The following MMP16 variants were observed in gnomAD, a reference collection of about 807,000 sequenced individuals.
MMP16 encodes the protein matrix metallopeptidase 16.
MMP16 carries 12 observed loss-of-function variants against 67.8 expected under a neutral mutation model. The observed-to-expected ratio is 0.18, with a 90% CI of 0.11 to 0.29. The LOEUF is 0.29. Ranked by LOEUF, MMP16 falls within the 10% of genes least tolerant of loss-of-function variation. The pLI, the probability that MMP16 is intolerant of heterozygous loss-of-function variation, is 1.00. For missense variants in MMP16, 475 were observed against 765.7 expected (o/e 0.62, Z 4.48); for synonymous variants, 249 against 255.9 (o/e 0.97, Z 0.26).
intron 1 of MMP16, among the ~76,000 whole-genome samples, chr8:88,276,716 G>A (rs913612971): frequency 3.9e-5 from 6 of 152,198 alleles, no homozygotes; most frequent in Non-Finnish European, 8.8e-5. Flanking sequence ...GTGCTTGGGG[G>A]TTGATAATTA....
At chr8:88,188,714 G>A (rs1206004895) in intron 2 of MMP16, among the ~76,000 whole-genome samples, 1 of 151,564 alleles carries the variant, frequency 6.6e-6, no homozygotes, top group Non-Finnish European at 1.5e-5. Context: ...GAGTGCAATG[G>A]CACGATCTCG....
intron 1 of MMP16, among the ~76,000 whole-genome samples, chr8:88,300,127 T>C (rs1369797935): frequency 6.6e-6 from 1 of 152,180 alleles, no homozygotes; most frequent in East Asian, 1.9e-4. Context: ...AATATCCCAA[T>C]AGTATCAACT....
intron 1 of MMP16, among the ~76,000 whole-genome samples, chr8:88,326,549 GA>G (rs66901270): frequency 0.042 from 6,038 of 143,244 alleles, 135 homozygotes; most frequent in South Asian, 0.098. Flanking sequence ...ATGTCTAAAT[GA>G]AAAAAAAAAA....
intron 6 of MMP16, among the ~76,000 whole-genome samples, chr8:88,075,206 T>C (rs903787408): frequency 6.6e-6 from 1 of 152,172 alleles, no homozygotes; most frequent in Non-Finnish European, 1.5e-5. Flanking sequence ...TTGTCTCATA[T>C]AGTTATAAAG....
intron 1 of MMP16, among the ~76,000 whole-genome samples, chr8:88,318,369 A>G (rs1289134714): frequency 6.6e-6 from 1 of 152,220 alleles, no homozygotes; most frequent in African/African-American, 2.4e-5. Context: ...CACATAATCA[A>G]TCTTAAATCA....
In MMP16 at chr8:88,290,767, T is replaced by C. The variant is rs114768068; in HGVS notation, c.132+36308A>G. On this transcript the variant is annotated intron_variant, in intron 1 of 9. Transcript: ENST00000286614. ...AGAGACAAAATCCCAAACTGGTAAG[T>C]CAAGAATGCTGTTCACCAAATCATG... 6.3e-3 allele frequency among the ~76,000 whole-genome samples: 952 copies of C among 152,054 alleles called. 6 individuals are homozygous for C. Among genetic ancestry groups the C allele is most frequent in the African/African-American group, 0.022 (904 of 41,468 alleles).
At chr8:88,274,196 A>G (rs1810609687) in intron 1 of MMP16, among the ~76,000 whole-genome samples, 1 of 152,236 alleles carries the variant, frequency 6.6e-6, no homozygotes, top group East Asian at 1.9e-4. Flanking sequence ...GGTATGTTCA[A>G]TTACTTAAGT....
intron 1 of MMP16, among the ~76,000 whole-genome samples, chr8:88,291,467 G>C (rs1199505163): frequency 3.9e-5 from 6 of 152,106 alleles, no homozygotes; most frequent in Non-Finnish European, 2.9e-5. Flanking sequence ...AAGAAAACTA[G>C]AAAGATCCTT....
In MMP16 at chr8:88,231,540, A is replaced by G. The variant is rs79112391; in HGVS notation, c.133-34234T>C. On this transcript the variant is annotated intron_variant, in intron 1 of 9. Coordinates refer to ENST00000286614, the MANE Select transcript of MMP16 (RefSeq NM_005941.5). ...AAAGTCCAGCAGTGGCAGAAAGCAG[A>G]GCAACCAAAACACATGTCACATCTA... Among the ~76,000 whole-genome samples the G allele has an allele frequency of 5.4e-3, 830 of 152,336 alleles. 7 individuals are homozygous for G. Among genetic ancestry groups the G allele is most frequent in the Non-Finnish European group, 9.6e-3 (656 of 68,028 alleles).
At chr8:88,180,661 A>AC (rs201016910) in intron 3 of MMP16, among the ~76,000 whole-genome samples, 1 of 151,994 alleles carries the variant, frequency 6.6e-6, no homozygotes, top group East Asian at 1.9e-4. Flanking sequence ...GCAAAAAAAA[A>AC]TGCATGAGGC....
chr8:88,083,379 G>A (rs981435831), intron 6 of MMP16, among the ~76,000 whole-genome samples: 1 of 152,000 alleles, frequency 6.6e-6, no homozygotes, highest in Middle Eastern at 3.2e-3. Flanking sequence ...GCTCAAGATA[G>A]GCTAATTACA....
At position 88,220,797 on chromosome 8, in the gene MMP16, C is replaced by T. The variant is rs117627784; in HGVS notation, c.133-23491G>A. On this transcript the variant is annotated intron_variant, in intron 1 of 9. Coordinates refer to ENST00000286614, the MANE Select transcript of MMP16 (RefSeq NM_005941.5). ...CTGTTCCACCCAAACTATTGTCCAGCGTCTTACGATATCAATTTTTTATAT... is the reference window on the plus strand; with the variant it reads ...CTGTTCCACCCAAACTATTGTCCAGTGTCTTACGATATCAATTTTTTATAT... Among the ~76,000 whole-genome samples, 319 of 152,154 alleles carry T rather than the reference C, an allele frequency of 2.1e-3. 2 individuals carry two copies. The highest frequency in any genetic ancestry group is 3.8e-3 in the Non-Finnish European group (256 of 68,002).
intron 6 of MMP16, among the ~76,000 whole-genome samples, chr8:88,102,982 T>G (rs568377554): frequency 6.6e-6 from 1 of 151,986 alleles, no homozygotes; most frequent in East Asian, 2.0e-4. Flanking sequence ...TCTATTCTGT[T>G]GGCCAGTTAA....
intron 1 of MMP16, among the ~76,000 whole-genome samples, chr8:88,292,226 A>G (rs1810936731): frequency 1.3e-5 from 2 of 152,236 alleles, no homozygotes; most frequent in South Asian, 4.1e-4. Context: ...AAATCGTTCA[A>G]ACCTCTCTGT....
rs1391808875 is a variant in MMP16, at chr8:88,106,059, A to G, written c.1083+10448T>C. Among the ~76,000 whole-genome samples, 452 of 146,962 alleles carry G rather than the reference A, an allele frequency of 3.1e-3. 4 individuals carry two copies. The highest frequency in any genetic ancestry group is 0.021 in the East Asian group (104 of 5,024). ...ATATATTTACACGTTATGTATATAT[A>G]TATATATATATATATGTATTTATAG... On this transcript the variant is annotated intron_variant, in intron 6 of 9. Coordinates refer to ENST00000286614, the MANE Select transcript of MMP16 (RefSeq NM_005941.5).
At chr8:88,312,382 T>A (rs907882795) in intron 1 of MMP16, among the ~76,000 whole-genome samples, 5 of 152,210 alleles carry the variant, frequency 3.3e-5, no homozygotes, top group Admixed American at 3.3e-4. Flanking sequence ...AGCATACATG[T>A]AACTACCAGC....
rs1158144640 is a variant in MMP16, at chr8:88,118,764, C to T, written c.807G>A (p.Gln269=). 1 of 1,613,214 alleles carries T rather than the reference C, an allele frequency of 6.2e-7. No individual in the cohort carries two copies. The highest frequency in any genetic ancestry group is 8.5e-7 in the Non-Finnish European group (1 of 1,179,496). The change falls in exon 5 of 10, where the codon CAG becomes CAA. Residue 269 remains glutamine (Q), a synonymous_variant. Coordinates refer to ENST00000286614, the MANE Select transcript of MMP16 (RefSeq NM_005941.5). ...GTTTGAAGTTGTCTGTTTCCATGTA[C>T]TGGTAAAATGGAGCCATGATGGCAG... ...DPTAIMAPFY[Q]YMETDNFKLP... is the part of the protein sequence containing the mutation.
At chr8:88,259,939 T>C (rs1810361048) in intron 1 of MMP16, among the ~76,000 whole-genome samples, 1 of 152,160 alleles carries the variant, frequency 6.6e-6, no homozygotes, top group African/African-American at 2.4e-5. Flanking sequence ...ATCCAATAGG[T>C]AGCTTAATTG....
chr8:88,317,487 C>A (rs1397910769), intron 1 of MMP16, among the ~76,000 whole-genome samples: 3 of 152,232 alleles, frequency 2.0e-5, no homozygotes, highest in Non-Finnish European at 4.4e-5. Context: ...TAATAGAACA[C>A]AGTACAGTGT....
Sources: allele counts gnomAD v4.1 joint callset (sites outside exome capture counted in the v4.1 genomes callset), GRCh38; gene constraint gnomAD v4.1.1; transcripts MANE v1.5; gene names NCBI Gene and HGNC (gene_info 2026-07-23, HGNC 2026-07-21).